The following PCDH15 variants were observed in gnomAD, a reference collection of about 807,000 sequenced individuals.
PCDH15 encodes protocadherin related 15, also known as protocadherin-15.
Under a neutral mutation model 178.5 loss-of-function variants are expected in PCDH15, and 129 were observed. The observed-to-expected ratio is 0.72, with a 90% CI of 0.63 to 0.84. PCDH15 has a LOEUF of 0.84. PCDH15 is among the 40% of genes least tolerant of loss of function. The pLI is 0.00. For missense variants in PCDH15, 2,230 were observed against 2,099.9 expected (o/e 1.06, Z -1.21); for synonymous variants, 800 against 732.0 (o/e 1.09, Z -1.50).
intron 1 of PCDH15, among the ~76,000 whole-genome samples, chr10:55,253,249 C>T (rs113927039): frequency 6.5e-4 from 97 of 148,980 alleles, no homozygotes; most frequent in African/African-American, 1.0e-3. Flanking sequence ...TGTGTGTGTG[C>T]GTGTGTGTGT....
chr10:54,547,477 ATCT>A lies in PCDH15; in HGVS notation c.92-19603_92-19601del, dbSNP rs1375947898. ...ATAAAATCCTGCCACTATCTTATAA[ATCT>A]TCTGTGTGCACTTTGATAGACTTTT... is the stretch of plus-strand genomic sequence containing the variant. On this transcript the variant is annotated intron_variant, in intron 2 of 37. Coordinates refer to ENST00000644397, the MANE Select transcript of PCDH15 (RefSeq NM_001384140.1). 2.6e-5 allele frequency among the ~76,000 whole-genome samples: 4 copies of A among 152,246 alleles called. No homozygotes were observed. The East Asian group carries it at 5.8e-4, about 22-fold the overall frequency.
At chr10:55,540,350 A>C (rs563979467) in intron 2 of PCDH15, among the ~76,000 whole-genome samples, 3 of 152,206 alleles carry the variant, frequency 2.0e-5, no homozygotes, top group African/African-American at 7.2e-5. Flanking sequence ...TCTCCATCTT[A>C]TCAAGTCATT....
At chr10:53,870,856 C>T (rs1003591274) in intron 26 of PCDH15, among the ~76,000 whole-genome samples, 1 of 152,018 alleles carries the variant, frequency 6.6e-6, no homozygotes, top group Non-Finnish European at 1.5e-5. Flanking sequence ...CCAGAGATAC[C>T]AATAATAAAA....
intron 1 of PCDH15, among the ~76,000 whole-genome samples, chr10:55,191,698 G>T (rs182529831): frequency 6.6e-6 from 1 of 151,894 alleles, no homozygotes; most frequent in African/African-American, 2.4e-5. Flanking sequence ...ATTTTATGAA[G>T]GTTCATTTCT....
intron 2 of PCDH15, among the ~76,000 whole-genome samples, chr10:55,143,202 CTT>C (rs11293437): frequency 0.01 from 1,519 of 151,208 alleles, 73 homozygotes; most frequent in East Asian, 7.8e-3. Flanking sequence ...TCAATTAAAC[CTT>C]TTTTTTTTTA....
intron 1 of PCDH15, among the ~76,000 whole-genome samples, chr10:55,244,181 T>G (rs2132215829): frequency 6.6e-6 from 1 of 152,222 alleles, no homozygotes; most frequent in African/African-American, 2.4e-5. Context: ...AATAAAATTC[T>G]ACTTTCCATT....
intron 3 of PCDH15, among the ~76,000 whole-genome samples, chr10:54,462,287 A>AACAC (rs1204245333): frequency 6.8e-6 from 1 of 146,620 alleles, no homozygotes; most frequent in African/African-American, 2.5e-5. Flanking sequence ...TTTGGAAGGA[A>AACAC]ACACACACAC....
chr10:53,952,883 T>G (rs1427682918), intron 23 of PCDH15, among the ~76,000 whole-genome samples: 1 of 152,230 alleles, frequency 6.6e-6, no homozygotes, highest in East Asian at 1.9e-4. Context: ...GTGACAATGC[T>G]CGGGGCTTGA....
chr10:54,438,802 T>C (rs1427129978), intron 3 of PCDH15, among the ~76,000 whole-genome samples: 2 of 152,024 alleles, frequency 1.3e-5, no homozygotes, highest in African/African-American at 2.4e-5. Context: ...CTCTTCCTAT[T>C]TGGAAGGAGA....
intron 2 of PCDH15, among the ~76,000 whole-genome samples, chr10:55,037,381 C>T (rs1840764238): frequency 6.6e-6 from 1 of 151,880 alleles, no homozygotes; most frequent in South Asian, 2.1e-4. Context: ...TTACAGGCGC[C>T]GGCTACCATG....
intron 2 of PCDH15, among the ~76,000 whole-genome samples, chr10:54,946,642 A>C (rs1838206356): frequency 6.6e-6 from 1 of 151,914 alleles, no homozygotes. Flanking sequence ...TGAATAAAAA[A>C]GTGATTCTTA....
At chr10:54,788,203 G>A (rs567680304) in intron 1 of PCDH15, among the ~76,000 whole-genome samples, 188 of 151,962 alleles carry the variant, frequency 1.2e-3, no homozygotes, top group African/African-American at 4.4e-3. Flanking sequence ...GGATAAAACA[G>A]GGCTGATATA....
chr10:55,162,005 CA>C (rs1448352212), intron 2 of PCDH15, among the ~76,000 whole-genome samples: 1 of 152,118 alleles, frequency 6.6e-6, no homozygotes, highest in African/African-American at 2.4e-5. Flanking sequence ...AAAGTTACAG[CA>C]TACCTTGTGC....
At chr10:54,748,515 C>T (rs1945773153) in intron 1 of PCDH15, among the ~76,000 whole-genome samples, 1 of 152,102 alleles carries the variant, frequency 6.6e-6, no homozygotes, top group Non-Finnish European at 1.5e-5. Context: ...GTCCATACCC[C>T]ATGTGTCCCC....
intron 3 of PCDH15, among the ~76,000 whole-genome samples, chr10:54,454,102 T>C (rs1268492463): frequency 6.7e-6 from 1 of 150,158 alleles, no homozygotes; most frequent in East Asian, 1.9e-4. Context: ...GATTTATATA[T>C]TTATAAATAT....
At chr10:55,260,775 G>A (rs1235348212) in intron 1 of PCDH15, among the ~76,000 whole-genome samples, 1 of 152,080 alleles carries the variant, frequency 6.6e-6, no homozygotes, top group Non-Finnish European at 1.5e-5. Flanking sequence ...CTTTTAAAAT[G>A]TTATAAAAAG....
At chr10:55,017,248 A>G (rs1840204163) in intron 2 of PCDH15, among the ~76,000 whole-genome samples, 1 of 152,122 alleles carries the variant, frequency 6.6e-6, no homozygotes. Flanking sequence ...CAATGCAGAA[A>G]TCTACATTCC....
chr10:54,456,492 A>G (rs2076830724), intron 3 of PCDH15, among the ~76,000 whole-genome samples: 2 of 152,172 alleles, frequency 1.3e-5, no homozygotes, highest in South Asian at 4.1e-4. Flanking sequence ...TCCCCATTGT[A>G]TCTATGATGT....
Position 54,516,489 on chromosome 10 carries a change from GC to G in PCDH15, c.157+11322del, listed in dbSNP as rs555295848. ...TGGAAGATGAAATGAATGAAATGAA[GC>G]AAGAAGGGAAGTTTAGAGAAAAAAG... On this transcript the variant is annotated intron_variant, in intron 3 of 37. Transcript: ENST00000644397. 1.6e-3 allele frequency among the ~76,000 whole-genome samples: 237 copies of G among 152,078 alleles called. 3 individuals carry two copies. The highest frequency in any genetic ancestry group is 5.6e-3 in the African/African-American group (232 of 41,494).
Sources: allele counts gnomAD v4.1 joint callset (sites outside exome capture counted in the v4.1 genomes callset), GRCh38; gene constraint gnomAD v4.1.1; transcripts MANE v1.5; gene names NCBI Gene and HGNC (gene_info 2026-07-23, HGNC 2026-07-21).